ARHGEF6: variants seen among roughly 807,000 people sequenced by gnomAD.
The protein encoded by ARHGEF6 is rho guanine nucleotide exchange factor 6.
A neutral mutation model predicts 70.3 loss-of-function variants in ARHGEF6; 9 were observed. The observed-to-expected ratio is 0.13, with a 90% CI of 0.08 to 0.22. The LOEUF is 0.22. ARHGEF6 is among the 10% of genes least tolerant of loss of function. ARHGEF6 has a pLI of 1.00. For synonymous variants in ARHGEF6, 201 were observed against 207.8 expected, an observed-to-expected ratio of 0.97 and a Z score of 0.28; for missense variants, 470 against 563.0, an observed-to-expected ratio of 0.83 and a Z score of 1.67.
intron 2 of ARHGEF6, among the ~76,000 whole-genome samples, chrX:136,773,161 C>T (rs2077376012): frequency 1.8e-5 from 2 of 111,406 alleles, no homozygotes; most frequent in African/African-American, 6.5e-5. Context: ...GCTGCATCTG[C>T]GGCTCCATTT....
At chrX:136,747,957 C>T (rs955855362) in intron 2 of ARHGEF6, among the ~76,000 whole-genome samples, 3 of 111,745 alleles carry the variant, frequency 2.7e-5, no homozygotes, top group Non-Finnish European at 5.6e-5. Flanking sequence ...ACAATCAATG[C>T]CCATCACCTA....
At chrX:136,709,840 C>T (rs1353180665) in intron 7 of ARHGEF6, among the ~76,000 whole-genome samples, 1 of 111,687 alleles carries the variant, frequency 9.0e-6, no homozygotes, top group Non-Finnish European at 1.9e-5. Flanking sequence ...GTGGCAGTCG[C>T]CTGTAATTCC....
chrX:136,726,844 A>G (rs1270689944), intron 6 of ARHGEF6, among the ~76,000 whole-genome samples: 1 of 112,989 alleles, frequency 8.9e-6, no homozygotes. Flanking sequence ...TATTAGGATT[A>G]CTGTGAGTCT....
chrX:136,733,319 A>G (rs1160326611), intron 5 of ARHGEF6, among the ~76,000 whole-genome samples: 2 of 111,359 alleles, frequency 1.8e-5, no homozygotes, highest in Admixed American at 9.6e-5. Flanking sequence ...AAATAATACT[A>G]TATCATCAGA....
rs1020236926 is a variant in ARHGEF6 at position 136,666,872 on chromosome X, G to A, written c.*1157C>T. On this transcript the variant is annotated 3_prime_UTR_variant, in exon 22 of 22. Transcript: ENST00000250617. ...CTACTAGAGGGGCCCTTTTGTTCTG[G>A]ATGTACAAGTTGGACCAGAAGCATA... 1.8e-5 allele frequency: 2 copies of A among 112,080 alleles called. No homozygotes were observed. Among genetic ancestry groups the A allele is most frequent in the African/African-American group, 6.5e-5 (2 of 30,797 alleles). 9.2% of individuals were successfully genotyped at this position (112,080 alleles called of 1,213,427 possible). A position where few individuals can be genotyped will look rare whatever the true frequency, so the allele number is the denominator to read the frequency against.
In ARHGEF6 at chrX:136,747,684, G is replaced by GAAAAA. The variant is rs140379962; in HGVS notation, c.250-97_250-93dup. ...AAAGGCCACTTCCTCCAGCTCTCCG[G>GAAAAA]AAAAAAAAAAAAAAAAAAAAAGTGT... On this transcript the variant is annotated intron_variant, in intron 2 of 21. Coordinates refer to ENST00000250617, the MANE Select transcript of ARHGEF6 (RefSeq NM_004840.3). 152 of 123,899 alleles carry GAAAAA rather than the reference G, an allele frequency of 1.2e-3. 8 individuals carry two copies. Among genetic ancestry groups the GAAAAA allele is most frequent in the Middle Eastern group, 2.8e-3 (1 of 354 alleles). 10.2% of individuals were successfully genotyped at this position (123,899 alleles called of 1,213,427 possible).
Position 136,729,723 on chromosome X carries a change from G to A in ARHGEF6, c.732+2379C>T, listed in dbSNP as rs192672598. 2.9e-3 allele frequency among the ~76,000 whole-genome samples: 318 copies of A among 108,170 alleles called. 7 individuals are homozygous for A. Among genetic ancestry groups the A allele is most frequent in the Admixed American group, 0.026 (265 of 10,022 alleles). 93.9% of individuals were successfully genotyped at this position (108,170 alleles called of 115,157 possible). A position where few individuals can be genotyped will look rare whatever the true frequency, so the allele number is the denominator to read the frequency against. On this transcript the variant is annotated intron_variant, in intron 6 of 21. Transcript: ENST00000250617. ...CGCTCGCCTGTAGTCCCAGCTACTCGGGAGGCTGAGGCAGAAGAATTTCTT... is the reference window on the plus strand; with the variant it reads ...CGCTCGCCTGTAGTCCCAGCTACTCAGGAGGCTGAGGCAGAAGAATTTCTT...
At chrX:136,735,534 T>C (rs981095782) in intron 5 of ARHGEF6, among the ~76,000 whole-genome samples, 1 of 111,094 alleles carries the variant, frequency 9.0e-6, no homozygotes, top group Admixed American at 9.6e-5. Context: ...TTTTAGGTGG[T>C]GTTCTAAGGC....
In ARHGEF6 at chrX:136,682,738, T is replaced by C. The variant is rs747454065; in HGVS notation, c.1479+20A>G. ...TTTCGTTAGGGGGTCTGCTATGTGT[T>C]TTATATGAAATTTACTAACCTGATA... On this transcript the variant is annotated intron_variant, in intron 13 of 21. Coordinates refer to ENST00000250617, the MANE Select transcript of ARHGEF6 (RefSeq NM_004840.3). The C allele has an allele frequency of 8.4e-7, 1 of 1,183,532 alleles. No individual in the cohort carries two copies. The highest frequency in any genetic ancestry group is 1.8e-5 in the South Asian group (1 of 56,361).
At chrX:136,753,313 T>C (rs192169460) in intron 2 of ARHGEF6, among the ~76,000 whole-genome samples, 2 of 112,303 alleles carry the variant, frequency 1.8e-5, no homozygotes, top group East Asian at 5.6e-4. Flanking sequence ...AGAGCACTGA[T>C]GTGAGAGTCA....
At chrX:136,737,562 A>G in intron 5 of ARHGEF6, 1 of 724,281 alleles carries the variant, frequency 1.4e-6, no homozygotes, top group Non-Finnish European at 1.6e-6. Context: ...AGTTCATTCA[A>G]AGAAATAAAG....
intron 2 of ARHGEF6, among the ~76,000 whole-genome samples, chrX:136,777,806 C>T (rs773720280): frequency 1.9e-4 from 19 of 97,591 alleles, no homozygotes; most frequent in African/African-American, 5.8e-4. Flanking sequence ...ACTACTCAGC[C>T]ATAAGAAGGA....
intron 6 of ARHGEF6, among the ~76,000 whole-genome samples, chrX:136,723,743 G>C (rs993964391): frequency 9.1e-6 from 1 of 110,384 alleles, no homozygotes; most frequent in Non-Finnish European, 1.9e-5. Context: ...GGCCAACATG[G>C]TGAAACCCCC....
intron 8 of ARHGEF6, among the ~76,000 whole-genome samples, chrX:136,708,417 T>G (rs931271637): frequency 1.8e-5 from 2 of 110,394 alleles, no homozygotes; most frequent in Middle Eastern, 4.3e-3. Context: ...TCTCTTATAC[T>G]GACCAGAAAC....
At chrX:136,718,614 T>C in intron 6 of ARHGEF6, among the ~76,000 whole-genome samples, 1 of 111,714 alleles carries the variant, frequency 9.0e-6, no homozygotes, top group Admixed American at 9.5e-5. Flanking sequence ...TGTTAAATAA[T>C]TTATACAAAT....
At chrX:136,736,823 C>T (rs1050270557) in intron 5 of ARHGEF6, among the ~76,000 whole-genome samples, 22 of 111,474 alleles carry the variant, frequency 2.0e-4, no homozygotes, top group South Asian at 1.5e-3. Flanking sequence ...AAACTTAAAA[C>T]GCCACTCCCC....
At chrX:136,763,940 A>T (rs1380106235) in intron 2 of ARHGEF6, among the ~76,000 whole-genome samples, 1 of 112,085 alleles carries the variant, frequency 8.9e-6, no homozygotes, top group Non-Finnish European at 1.9e-5. Flanking sequence ...GACGAGCAGT[A>T]TAAAGGTAGC....
At chrX:136,673,030 G>A (rs934752238) in intron 19 of ARHGEF6, among the ~76,000 whole-genome samples, 6 of 112,234 alleles carry the variant, frequency 5.3e-5, no homozygotes, top group Admixed American at 2.8e-4. Context: ...CACATCTGTG[G>A]ATTCAACCAA....
intron 6 of ARHGEF6, among the ~76,000 whole-genome samples, chrX:136,721,713 G>A (rs971703334): frequency 9.0e-6 from 1 of 111,725 alleles, no homozygotes; most frequent in Non-Finnish European, 1.9e-5. Context: ...CTCATCATAT[G>A]TGTAATCTTA....
Sources: gnomAD v4.1 joint callset for allele counts (sites outside exome capture counted in the v4.1 genomes callset) on GRCh38, gnomAD v4.1.1 for gene constraint, MANE v1.5 for transcripts, NCBI Gene and HGNC (gene_info 2026-07-23, HGNC 2026-07-21) for gene names.